Variants in PCOLCE2 observed in about 807,000 individuals in gnomAD.
PCOLCE2 encodes procollagen C-endopeptidase enhancer 2.
PCOLCE2 carries 42 observed loss-of-function variants against 47.0 expected under a neutral mutation model. The ratio of observed to expected loss-of-function variants is 0.89; its 90% CI spans 0.70 to 1.16. PCOLCE2 has a LOEUF of 1.16. Ranked by LOEUF, PCOLCE2 falls within the 50% of genes most tolerant of loss-of-function variation. PCOLCE2 has a pLI of 0.00. For missense variants in PCOLCE2, 500 were observed against 526.1 expected (o/e 0.95, Z 0.49); for synonymous variants, 169 against 191.7 (o/e 0.88, Z 0.98).
Position 142,874,394 on chromosome 3 carries a change from G to T in PCOLCE2, c.192+13275C>A, listed in dbSNP as rs751803690. On this transcript the variant is annotated intron_variant, in intron 2 of 8. Transcript: ENST00000295992. ...TGGCCGAGCTGATGGTTTTAAATGTGGCACACCCCCCTCACTCTCTGCACG... is the reference window on the plus strand; with the variant it reads ...TGGCCGAGCTGATGGTTTTAAATGTTGCACACCCCCCTCACTCTCTGCACG... Among the ~76,000 whole-genome samples, 11 of 152,188 alleles carry T rather than the reference G, an allele frequency of 7.2e-5. No individual in the cohort carries two copies. The Middle Eastern group carries it at 0.01, about 141-fold the overall frequency.
chr3:142,887,255 G>A (rs1202603993), intron 2 of PCOLCE2: 1 of 152,362 alleles, frequency 6.6e-6, no homozygotes, highest in Non-Finnish European at 1.4e-5. Context: ...CTTTCCTAAT[G>A]AGCATAGAGT....
chr3:142,872,833 T>C (rs1181957507), intron 2 of PCOLCE2, among the ~76,000 whole-genome samples: 3 of 152,174 alleles, frequency 2.0e-5, no homozygotes, highest in African/African-American at 7.2e-5. Flanking sequence ...AGTATCATCA[T>C]CAAAAGGATA....
chr3:142,844,011 A>C (rs1306099988), intron 3 of PCOLCE2, among the ~76,000 whole-genome samples: 1 of 152,130 alleles, frequency 6.6e-6, no homozygotes, highest in Non-Finnish European at 1.5e-5. Flanking sequence ...AATAGTCATC[A>C]TTCTATTATT....
In PCOLCE2 at chr3:142,848,315, G is replaced by C. The variant is rs2108197312; in HGVS notation, c.350C>G (p.Ser117Cys). 2 of 1,614,164 alleles carry C rather than the reference G, an allele frequency of 1.2e-6. No homozygotes were observed. The highest frequency in any genetic ancestry group is 4.5e-5 in the East Asian group (2 of 44,882). ...CGTFRPGALV[S>C]SGNKMMVQMI... Reference sequence around the variant, plus strand: ...CTGCACCATCATCTTGTTGCCACTGGACACAAGGGCTCCAGGCCGGAAAGT... The same window carrying C: ...CTGCACCATCATCTTGTTGCCACTGCACACAAGGGCTCCAGGCCGGAAAGT... Residue 117 changes from serine (S) to cysteine (C), a missense_variant, in exon 3 of 9, where the codon TCC (serine) becomes TGC (cysteine). Physicochemically the swap from Ser to Cys is moderately radical, Grantham distance 112. Transcript: ENST00000295992.
intron 2 of PCOLCE2, chr3:142,863,876 T>C (rs1334708261): frequency 6.6e-6 from 1 of 152,154 alleles, no homozygotes; most frequent in East Asian, 1.9e-4. Flanking sequence ...ACTAGCATGC[T>C]ATTTAAGAAA....
At chr3:142,840,500 A>G (rs1313494618) in intron 4 of PCOLCE2, among the ~76,000 whole-genome samples, 5 of 152,172 alleles carry the variant, frequency 3.3e-5, no homozygotes, top group Admixed American at 6.5e-5. Flanking sequence ...TTAGCTAGAG[A>G]AGACTCAAAC....
At chr3:142,834,898 T>C (rs1937186028) in intron 5 of PCOLCE2, among the ~76,000 whole-genome samples, 1 of 152,218 alleles carries the variant, frequency 6.6e-6, no homozygotes, top group African/African-American at 2.4e-5. Flanking sequence ...ATTAGAAATG[T>C]CTGTACCTCA....
chr3:142,854,333 G>A (rs948405219), intron 2 of PCOLCE2, among the ~76,000 whole-genome samples: 2 of 24,032 alleles, frequency 8.3e-5, no homozygotes, highest in African/African-American at 2.6e-4. Flanking sequence ...AGGCACAGTT[G>A]ATCTACGTAA....
chr3:142,829,952 T>C, intron 5 of PCOLCE2, 106 bp from the exon 6 acceptor site: 1 of 587,442 alleles, frequency 1.7e-6, no homozygotes, highest in Non-Finnish European at 2.9e-6. Flanking sequence ...AGATTACCAG[T>C]TGTTTAAACT....
intron 2 of PCOLCE2, among the ~76,000 whole-genome samples, chr3:142,855,301 A>T (rs1300735496): frequency 6.6e-6 from 1 of 151,842 alleles, no homozygotes; most frequent in Non-Finnish European, 1.5e-5. Context: ...AGTACTCAGA[A>T]AATATTCATT....
chr3:142,866,709 C>T (rs1027986470), intron 2 of PCOLCE2, among the ~76,000 whole-genome samples: 1 of 152,128 alleles, frequency 6.6e-6, no homozygotes, highest in African/African-American at 2.4e-5. Context: ...AGATATATTA[C>T]AGGAGTTATT....
intron 2 of PCOLCE2, among the ~76,000 whole-genome samples, chr3:142,874,156 A>G (rs1252418533): frequency 6.6e-6 from 1 of 151,992 alleles, no homozygotes; most frequent in East Asian, 1.9e-4. Flanking sequence ...GCTCACTGCA[A>G]CCTCCACCTC....
chr3:142,887,892 C>T, intron 1 of PCOLCE2, 115 bp from the exon 2 acceptor site: 1 of 636,690 alleles, frequency 1.6e-6, no homozygotes. Flanking sequence ...GTTGATTAAT[C>T]AATGCTTGCA....
At chr3:142,886,797 A>T (rs527946444) in intron 2 of PCOLCE2, among the ~76,000 whole-genome samples, 1 of 152,306 alleles carries the variant, frequency 6.6e-6, no homozygotes, top group African/African-American at 2.4e-5. Context: ...ATTCTGGGTG[A>T]TTATACTTGC....
At chr3:142,874,432 C>T (rs1420311425) in intron 2 of PCOLCE2, among the ~76,000 whole-genome samples, 2 of 152,166 alleles carry the variant, frequency 1.3e-5, no homozygotes, top group Admixed American at 1.3e-4. Flanking sequence ...GTAAGACGTG[C>T]CTTGTTTCCC....
At chr3:142,838,980 TC>T in intron 4 of PCOLCE2, 74 bp from the exon 5 acceptor site, 1 of 1,211,508 alleles carries the variant, frequency 8.3e-7, no homozygotes, top group Non-Finnish European at 1.2e-6. Flanking sequence ...ATTCTTCCTC[TC>T]CCCAGATTTG....
At chr3:142,834,567 A>C (rs529611496) in intron 5 of PCOLCE2, among the ~76,000 whole-genome samples, 1 of 152,336 alleles carries the variant, frequency 6.6e-6, no homozygotes, top group African/African-American at 2.4e-5. Flanking sequence ...GACATTTGTG[A>C]ATAAAATGAT....
chr3:142,826,432 C>T (rs529932462), intron 6 of PCOLCE2, among the ~76,000 whole-genome samples: 2 of 152,190 alleles, frequency 1.3e-5, no homozygotes, highest in Admixed American at 6.5e-5. Flanking sequence ...GGGTCACCCC[C>T]CTCCGACCTG....
At chr3:142,853,879 A>G (rs1474276970) in intron 2 of PCOLCE2, among the ~76,000 whole-genome samples, 1 of 152,152 alleles carries the variant, frequency 6.6e-6, no homozygotes, top group Non-Finnish European at 1.5e-5. Context: ...GTTTTTTCCT[A>G]TCAACAGCAA....
Sources: allele counts gnomAD v4.1 joint callset (sites outside exome capture counted in the v4.1 genomes callset), GRCh38; gene constraint gnomAD v4.1.1; transcripts MANE v1.5; gene names NCBI Gene and HGNC (gene_info 2026-07-23, HGNC 2026-07-21).